KCNMA1: variants seen among roughly 807,000 people sequenced by gnomAD.
KCNMA1 encodes the protein potassium calcium-activated channel subfamily M alpha 1, also known as Calcium-activated potassium channel subunit alpha-1.
In KCNMA1, 29 loss-of-function variants were observed where a neutral mutation model predicts 140.0. That is an observed-to-expected ratio of 0.21 (90% CI 0.15 to 0.28). KCNMA1 has a LOEUF of 0.28. KCNMA1 is among the 10% of genes least tolerant of loss of function. The probability of loss-of-function intolerance (pLI) is 1.00; values close to 1 mark genes in which losing one functional copy is unlikely to be tolerated. For synonymous variants in KCNMA1, 612 were observed against 611.9 expected, an observed-to-expected ratio of 1.00 and a Z score of 0.00; for missense variants, 880 against 1,602.2, an observed-to-expected ratio of 0.55 and a Z score of 7.70.
At chr10:77,009,856 T>G (rs1459804402) in intron 18 of KCNMA1, among the ~76,000 whole-genome samples, 1 of 152,170 alleles carries the variant, frequency 6.6e-6, no homozygotes, top group Non-Finnish European at 1.5e-5. Context: ...GCAGGATTCC[T>G]CAACCCTCAG....
chr10:77,049,524 T>C (rs1049260668), intron 14 of KCNMA1, among the ~76,000 whole-genome samples: 11 of 152,206 alleles, frequency 7.2e-5, no homozygotes, highest in Non-Finnish European at 1.6e-4. Flanking sequence ...GTATCGACTG[T>C]AAGCTCCTTA....
At chr10:77,515,177 G>A (rs367593533) in intron 1 of KCNMA1, among the ~76,000 whole-genome samples, 1 of 152,104 alleles carries the variant, frequency 6.6e-6, no homozygotes, top group African/African-American at 2.4e-5. Context: ...AGCCTGTTAC[G>A]GTGAGTGAGG....
At chr10:76,877,790 T>A in exon 30 of KCNMA1, 1 of 1,578,216 alleles carries the variant, frequency 6.3e-7, no homozygotes, top group Non-Finnish European at 8.6e-7. Flanking sequence ...TGCTTGTGGA[T>A]TTATATTGGT....
At chr10:77,607,578 A>C (rs2084993279) in intron 1 of KCNMA1, among the ~76,000 whole-genome samples, 1 of 152,142 alleles carries the variant, frequency 6.6e-6, no homozygotes, top group South Asian at 2.1e-4. Flanking sequence ...TTTGACACAG[A>C]AGAGAAAGTA....
chr10:77,005,162 T>C (rs535737003), intron 18 of KCNMA1, among the ~76,000 whole-genome samples: 197 of 152,324 alleles, frequency 1.3e-3, no homozygotes, highest in African/African-American at 4.6e-3. Flanking sequence ...AGCTAGTTCA[T>C]GGGCAGTTGG....
intron 1 of KCNMA1, chr10:77,636,816 A>G (rs753520920): frequency 6.2e-6 from 9 of 1,442,066 alleles, no homozygotes; most frequent in South Asian, 2.9e-5. Flanking sequence ...ACAGGTTCCT[A>G]AAGTATGGGC....
At chr10:77,592,389 T>G (rs1488103098) in intron 1 of KCNMA1, among the ~76,000 whole-genome samples, 1 of 152,176 alleles carries the variant, frequency 6.6e-6, no homozygotes, top group African/African-American at 2.4e-5. Context: ...GTGATGATAT[T>G]TGAGGAAGGC....
intron 1 of KCNMA1, 25 bp downstream of exon 1, chr10:77,637,240 G>A (rs761703320): frequency 1.3e-6 from 2 of 1,580,464 alleles, no homozygotes; most frequent in East Asian, 2.3e-5. Flanking sequence ...TGGCGCAGAG[G>A]GCGGGCGCCC....
intron 1 of KCNMA1, among the ~76,000 whole-genome samples, chr10:77,549,467 G>A (rs1240950228): frequency 6.6e-6 from 1 of 152,300 alleles, no homozygotes; most frequent in African/African-American, 2.4e-5. Flanking sequence ...CTTGGAAGAG[G>A]TGATCCTCCT....
chr10:77,395,677 T>C (rs186537001), intron 2 of KCNMA1, among the ~76,000 whole-genome samples: 191 of 152,346 alleles, frequency 1.3e-3, no homozygotes, highest in African/African-American at 3.4e-3. Flanking sequence ...GAACCATTTT[T>C]ATCCGGGAAC....
chr10:77,637,768 G>T lies in KCNMA1; in HGVS notation c.-126C>A, dbSNP rs1342759754. 1 of 1,303,684 alleles carries T rather than the reference G, an allele frequency of 7.7e-7. No individual in the cohort carries two copies. The highest frequency in any genetic ancestry group is 9.6e-7 in the Non-Finnish European group (1 of 1,037,968). The allele number at this position is 1,303,684 out of a possible 1,614,324, so 80.8% of individuals were successfully genotyped here. A position where few individuals can be genotyped will look rare whatever the true frequency, so the allele number is the denominator to read the frequency against. Reference sequence around the variant, plus strand: ...CGCCGCCGCCGCCGCCGCGGAGCGCGGGAGGGGGGCGGGGAGGCGCCTGGG... The same window carrying T: ...CGCCGCCGCCGCCGCCGCGGAGCGCTGGAGGGGGGCGGGGAGGCGCCTGGG... On this transcript the variant is annotated 5_prime_UTR_variant, in exon 1 of 28. Transcript: ENST00000286628.
chr10:77,279,178 G>A (rs960610085), intron 2 of KCNMA1, among the ~76,000 whole-genome samples: 4 of 152,146 alleles, frequency 2.6e-5, no homozygotes, highest in Admixed American at 6.5e-5. Flanking sequence ...AAGACAATGT[G>A]AACTCTACTA....
At chr10:77,450,475 T>C (rs754678151) in intron 1 of KCNMA1, among the ~76,000 whole-genome samples, 5 of 152,358 alleles carry the variant, frequency 3.3e-5, no homozygotes, top group Non-Finnish European at 5.9e-5. Context: ...TTTCATTATA[T>C]AATAATAAAA....
At chr10:77,208,968 G>A (rs575846349) in intron 3 of KCNMA1, among the ~76,000 whole-genome samples, 1 of 152,320 alleles carries the variant, frequency 6.6e-6, no homozygotes, top group South Asian at 2.1e-4. Flanking sequence ...GCCAAGCTCA[G>A]TGGGTAATTT....
At chr10:77,303,093 G>A (rs2076917410) in intron 2 of KCNMA1, among the ~76,000 whole-genome samples, 1 of 152,142 alleles carries the variant, frequency 6.6e-6, no homozygotes. Context: ...CATGTTTGAG[G>A]TGGAAATAAT....
chr10:76,893,333 T>C (rs1369068381), intron 25 of KCNMA1, among the ~76,000 whole-genome samples: 1 of 152,176 alleles, frequency 6.6e-6, no homozygotes, highest in Non-Finnish European at 1.5e-5. Context: ...GTCAGCTCCA[T>C]TCTCAACTTT....
At chr10:77,278,979 A>T (rs1334189857) in intron 2 of KCNMA1, among the ~76,000 whole-genome samples, 1 of 152,166 alleles carries the variant, frequency 6.6e-6, no homozygotes, top group Non-Finnish European at 1.5e-5. Flanking sequence ...GAATAGGAAT[A>T]GTCCATTTTA....
At chr10:77,603,687 C>G (rs2083428222) in intron 1 of KCNMA1, among the ~76,000 whole-genome samples, 1 of 152,130 alleles carries the variant, frequency 6.6e-6, no homozygotes, top group Non-Finnish European at 1.5e-5. Context: ...GAAAGCACCT[C>G]CCTTACTCCT....
At chr10:77,397,419 G>A (rs996317978) in intron 2 of KCNMA1, among the ~76,000 whole-genome samples, 1 of 152,172 alleles carries the variant, frequency 6.6e-6, no homozygotes, top group Non-Finnish European at 1.5e-5. Context: ...TTTGGTACAT[G>A]TATAATGATT....
Sources: gnomAD v4.1 joint callset for allele counts (sites outside exome capture counted in the v4.1 genomes callset) on GRCh38, gnomAD v4.1.1 for gene constraint, MANE v1.5 for transcripts, NCBI Gene and HGNC (gene_info 2026-07-23, HGNC 2026-07-21) for gene names.